The following LRRC4C variants were observed in gnomAD, a reference collection of about 807,000 sequenced individuals.
LRRC4C encodes the protein leucine rich repeat containing 4C, also known as leucine-rich repeat-containing protein 4C.
In LRRC4C, 5 loss-of-function variants were observed where a neutral mutation model predicts 33.6. The ratio of observed to expected loss-of-function variants is 0.15; its 90% confidence interval spans 0.08 to 0.31. The LOEUF is 0.31. Among genes scored for constraint, LRRC4C ranks in the 10% least tolerant of loss-of-function variants. LRRC4C has a pLI of 1.00. For synonymous variants in LRRC4C, 329 were observed against 302.0 expected, an observed-to-expected ratio of 1.09 and a Z score of -0.93; for missense variants, 560 against 796.7, an observed-to-expected ratio of 0.70 and a Z score of 3.58.
intron 3 of LRRC4C, among the ~76,000 whole-genome samples, chr11:40,627,688 G>A (rs1963082309): frequency 6.6e-6 from 1 of 152,056 alleles, no homozygotes; most frequent in Non-Finnish European, 1.5e-5. Context: ...GCATCCCTGA[G>A]GATCACAGAT....
chr11:40,932,675 T>C (rs932234415), intron 2 of LRRC4C, among the ~76,000 whole-genome samples: 1 of 152,130 alleles, frequency 6.6e-6, no homozygotes, highest in African/African-American at 2.4e-5. Context: ...TATTTTAAGG[T>C]TTAAAGAAGA....
chr11:40,945,770 C>G (rs1351207318), intron 1 of LRRC4C, among the ~76,000 whole-genome samples: 1 of 152,130 alleles, frequency 6.6e-6, no homozygotes, highest in African/African-American at 2.4e-5. Flanking sequence ...GGAAGCTGTC[C>G]TTACTGGACA....
chr11:40,768,086 A>T (rs1315771112), intron 2 of LRRC4C, among the ~76,000 whole-genome samples: 1 of 152,166 alleles, frequency 6.6e-6, no homozygotes, highest in Middle Eastern at 3.4e-3. Context: ...AGCCAGACTG[A>T]TAAATAAAGA....
rs540756743 is a variant in LRRC4C, at chr11:40,788,521, G to T, written c.-406-140243C>A. On this transcript the variant is annotated intron_variant, in intron 2 of 6. Coordinates refer to ENST00000528697, the MANE Select transcript of LRRC4C (RefSeq NM_001258419.2). The stretch of plus-strand genomic sequence containing the variant: ...AAAGCTACCCCAGATACCATACTTA[G>T]AACCAATTAGGTTAATTGATACTGC... Among the ~76,000 whole-genome samples the T allele has an allele frequency of 4.6e-5, 7 of 152,208 alleles. No homozygotes were observed. In the East Asian group the frequency reaches 1.4e-3, roughly 29 times the overall value.
At chr11:41,300,701 C>G (rs1266048682) in intron 1 of LRRC4C, among the ~76,000 whole-genome samples, 1 of 152,126 alleles carries the variant, frequency 6.6e-6, no homozygotes, top group Admixed American at 6.6e-5. Context: ...CTTGACATCC[C>G]CAGCTATCCA....
chr11:40,604,654 T>C (rs115967021), intron 3 of LRRC4C, among the ~76,000 whole-genome samples: 3,069 of 152,206 alleles, frequency 0.02, 47 homozygotes, highest in South Asian at 0.038. Context: ...AAAATTAAAG[T>C]ATGTTTTATG....
chr11:41,225,106 AG>A (rs1947471327), intron 1 of LRRC4C, among the ~76,000 whole-genome samples: 1 of 152,138 alleles, frequency 6.6e-6, no homozygotes, highest in African/African-American at 2.4e-5. Flanking sequence ...GATAGAGAGT[AG>A]AAGGATGGTT....
intron 1 of LRRC4C, among the ~76,000 whole-genome samples, chr11:41,405,170 T>C (rs1482068634): frequency 1.3e-5 from 2 of 152,144 alleles, no homozygotes; most frequent in Admixed American, 1.3e-4. Flanking sequence ...ATACAGTAAC[T>C]GTTTTCAAAT....
chr11:40,540,201 T>C (rs976305261), intron 3 of LRRC4C, among the ~76,000 whole-genome samples: 3 of 152,182 alleles, frequency 2.0e-5, no homozygotes, highest in African/African-American at 7.2e-5. Flanking sequence ...GAATTGAAAG[T>C]CTTTTTCCCT....
intron 1 of LRRC4C, among the ~76,000 whole-genome samples, chr11:41,023,599 A>C (rs1340964001): frequency 6.6e-6 from 1 of 151,724 alleles, no homozygotes; most frequent in African/African-American, 2.4e-5. Flanking sequence ...GCTTAGGAAC[A>C]GTGATAAGGT....
intron 3 of LRRC4C, among the ~76,000 whole-genome samples, chr11:40,464,690 G>C (rs970004787): frequency 4.0e-5 from 6 of 151,830 alleles, no homozygotes; most frequent in Non-Finnish European, 8.8e-5. Context: ...TAACTATCAA[G>C]CTGAGAACCA....
At chr11:41,174,410 T>G (rs995019800) in intron 1 of LRRC4C, among the ~76,000 whole-genome samples, 3 of 152,104 alleles carry the variant, frequency 2.0e-5, no homozygotes, top group African/African-American at 7.2e-5. Flanking sequence ...TATTATGAAG[T>G]CTTCTGTACA....
At chr11:40,154,768 T>G (rs1858538777) in intron 5 of LRRC4C, among the ~76,000 whole-genome samples, 1 of 152,158 alleles carries the variant, frequency 6.6e-6, no homozygotes, top group Non-Finnish European at 1.5e-5. Flanking sequence ...GAGACTTCAA[T>G]ACACCACTGA....
At chr11:40,225,889 G>A (rs1241353668) in intron 5 of LRRC4C, among the ~76,000 whole-genome samples, 3 of 152,150 alleles carry the variant, frequency 2.0e-5, no homozygotes, top group African/African-American at 7.2e-5. Flanking sequence ...AAAGGGCTGG[G>A]ATTACAGGCG....
chr11:40,763,718 C>G (rs887632524), intron 2 of LRRC4C, among the ~76,000 whole-genome samples: 1 of 152,060 alleles, frequency 6.6e-6, no homozygotes, highest in South Asian at 2.1e-4. Flanking sequence ...CAGTGAAAAG[C>G]AAAATAGGAT....
chr11:41,043,068 C>CTTTTTT lies in LRRC4C; in HGVS notation c.-495-109351_-495-109346dup, dbSNP rs67605827. Among the ~76,000 whole-genome samples the CTTTTTT allele has an allele frequency of 4.7e-4, 36 of 75,800 alleles. 1 individual carries two copies. The highest frequency in any genetic ancestry group is 1.6e-3 in the East Asian group (3 of 1,896). 49.7% of individuals were successfully genotyped at this position (75,800 alleles called of 152,430 possible). A position where few individuals can be genotyped will look rare whatever the true frequency, so the allele number is the denominator to read the frequency against. ...TCCAAAATGATTATACAGAATAGAC[C>CTTTTTT]TTTTTTTTTTTTTTTTTTTTTTTTG... On this transcript the variant is annotated intron_variant, in intron 1 of 6. Coordinates refer to ENST00000528697, the MANE Select transcript of LRRC4C (RefSeq NM_001258419.2).
chr11:41,000,114 C>T (rs1392384089), intron 1 of LRRC4C, among the ~76,000 whole-genome samples: 1 of 152,120 alleles, frequency 6.6e-6, no homozygotes, highest in Admixed American at 6.6e-5. Context: ...TCATAGTTCC[C>T]ATGCCTCGCT....
chr11:41,144,304 C>T (rs1943638757), intron 1 of LRRC4C, among the ~76,000 whole-genome samples: 1 of 152,078 alleles, frequency 6.6e-6, no homozygotes, highest in Non-Finnish European at 1.5e-5. Context: ...AAATGTGATT[C>T]AACAGAGGAA....
intron 1 of LRRC4C, among the ~76,000 whole-genome samples, chr11:41,254,898 C>T (rs968063363): frequency 6.6e-6 from 1 of 152,026 alleles, no homozygotes; most frequent in East Asian, 1.9e-4. Context: ...ATATATCAAG[C>T]AACTGATTCC....
Sources: allele counts gnomAD v4.1 joint callset (sites outside exome capture counted in the v4.1 genomes callset), GRCh38; gene constraint gnomAD v4.1.1; transcripts MANE v1.5; gene names NCBI Gene and HGNC (gene_info 2026-07-23, HGNC 2026-07-21).